Variants in SVIL observed in about 807,000 individuals in gnomAD.
The protein encoded by SVIL is supervillin, also known as archvillin.
Under a neutral mutation model 240.4 loss-of-function variants are expected in SVIL, and 101 were observed. That is an observed-to-expected ratio of 0.42 (90% CI 0.36 to 0.50). The LOEUF (loss-of-function observed/expected upper bound fraction) is 0.50. Ranked by LOEUF, SVIL falls within the 20% of genes least tolerant of loss-of-function variation. The probability of loss-of-function intolerance (pLI) is 0.01; values close to 1 mark genes in which losing one functional copy is unlikely to be tolerated. For synonymous variants in SVIL, 999 were observed against 1,100.0 expected (o/e 0.91, Z 1.82); for missense variants, 2,512 against 2,818.7 (o/e 0.89, Z 2.46).
intron 17 of SVIL, among the ~76,000 whole-genome samples, chr10:29,501,940 G>GGGTA (rs1948930548): frequency 1.3e-5 from 2 of 152,144 alleles, no homozygotes; most frequent in South Asian, 4.1e-4. Context: ...AACAGTCCAG[G>GGGTA]GTGGGGTAGT....
At chr10:29,511,995 G>A (rs956969117) in intron 17 of SVIL, among the ~76,000 whole-genome samples, 11 of 152,194 alleles carry the variant, frequency 7.2e-5, no homozygotes, top group African/African-American at 2.4e-4. Flanking sequence ...CCTAGAAAGT[G>A]ACCAGGGAGT....
intron 2 of SVIL, among the ~76,000 whole-genome samples, chr10:29,681,696 G>A (rs554809578): frequency 6.6e-6 from 1 of 152,186 alleles, no homozygotes; most frequent in South Asian, 2.1e-4. Context: ...CATTCCCTCT[G>A]GGCACCAGTT....
At chr10:29,603,589 G>A (rs1189682617) in intron 1 of SVIL, among the ~76,000 whole-genome samples, 2 of 152,088 alleles carry the variant, frequency 1.3e-5, no homozygotes, top group East Asian at 1.9e-4. Context: ...AGCATACTTG[G>A]TTTTCAAATT....
chr10:29,730,692 A>T (rs1176406540), intron 1 of SVIL, among the ~76,000 whole-genome samples: 1 of 152,244 alleles, frequency 6.6e-6, no homozygotes, highest in Non-Finnish European at 1.5e-5. Flanking sequence ...ACCGTGAATC[A>T]TCAGGGGATC....
intron 18 of SVIL, 87 bp from the exon 19 acceptor site, chr10:29,495,268 G>C (rs192758758): frequency 2.8e-6 from 2 of 724,732 alleles, no homozygotes; most frequent in African/African-American, 4.7e-5. Flanking sequence ...GAAATCCCAG[G>C]GTAGACGGCA....
intron 13 of SVIL, among the ~76,000 whole-genome samples, chr10:29,525,219 G>A (rs1303052585): frequency 6.6e-6 from 1 of 152,184 alleles, no homozygotes; most frequent in Non-Finnish European, 1.5e-5. Context: ...TTTTTAAAGA[G>A]TCACTGCTTC....
intron 1 of SVIL, among the ~76,000 whole-genome samples, chr10:29,579,009 G>T (rs1313942613): frequency 6.6e-6 from 1 of 152,190 alleles, no homozygotes; most frequent in Non-Finnish European, 1.5e-5. Flanking sequence ...GATTCGCTGG[G>T]GAAACTGGAA....
chr10:29,734,143 A>G (rs1964769320), intron 1 of SVIL, among the ~76,000 whole-genome samples: 1 of 152,234 alleles, frequency 6.6e-6, no homozygotes, highest in Admixed American at 6.5e-5. Flanking sequence ...AAACACTGCA[A>G]AAAGCAAAGG....
intron 34 of SVIL, 147 bp downstream of exon 34, chr10:29,465,448 T>G: frequency 1.0e-6 from 1 of 994,404 alleles, no homozygotes; most frequent in Non-Finnish European, 1.4e-6. Flanking sequence ...GGGGTGAGGA[T>G]GAAAAGAGTG....
chr10:29,733,407 C>T (rs559975189), intron 1 of SVIL, among the ~76,000 whole-genome samples: 18 of 152,242 alleles, frequency 1.2e-4, no homozygotes, highest in African/African-American at 4.3e-4. Context: ...TCACTGCAGG[C>T]TCGAACTCTT....
At chr10:29,509,356 A>AGAGAG (rs1564541204) in intron 17 of SVIL, among the ~76,000 whole-genome samples, 7 of 120,160 alleles carry the variant, frequency 5.8e-5, no homozygotes, top group Non-Finnish European at 9.3e-5. Flanking sequence ...AGAGAGAGAG[A>AGAGAG]GAGAGAGAGA....
Position 29,462,374 on chromosome 10 carries a change from T to C in SVIL, c.6305A>G (p.Lys2102Arg). 2 of 1,614,144 alleles carry C rather than the reference T, an allele frequency of 1.2e-6. No individual in the cohort carries two copies. Among genetic ancestry groups the C allele is most frequent in the Non-Finnish European group, 8.5e-7 (1 of 1,180,020 alleles). ...KGKNLKKPAP[K>R]SYLIHAGLEP... Reference sequence around the variant, plus strand: ...CAGACCAGCGTGGATAAGGTAAGACTTGGGGGCTGGTTTCTTGAGATTTTT... The same window carrying C: ...CAGACCAGCGTGGATAAGGTAAGACCTGGGGGCTGGTTTCTTGAGATTTTT... Residue 2102 changes from lysine (K) to arginine (R), a missense_variant, in exon 36 of 38, where the codon AAG becomes AGG. Physicochemically the swap from Lys to Arg is conservative, Grantham distance 26. Transcript: ENST00000355867.
At chr10:29,494,388 T>G (rs1485139279) in intron 20 of SVIL, among the ~76,000 whole-genome samples, 1 of 152,222 alleles carries the variant, frequency 6.6e-6, no homozygotes, top group Non-Finnish European at 1.5e-5. Context: ...CTGTCAATAG[T>G]AGGGACTCCC....
intron 1 of SVIL, among the ~76,000 whole-genome samples, chr10:29,620,074 G>T (rs1402237791): frequency 6.6e-6 from 1 of 152,002 alleles, no homozygotes; most frequent in Non-Finnish European, 1.5e-5. Context: ...AGTTTTTTTA[G>T]TATTAGCAAT....
intron 1 of SVIL, among the ~76,000 whole-genome samples, chr10:29,610,448 ATTTT>A (rs113668853): frequency 0.13 from 17,347 of 137,144 alleles, 1,145 homozygotes; most frequent in African/African-American, 0.18. Flanking sequence ...TTCACTCTGC[ATTTT>A]TTTTTTTTTT....
In SVIL at chr10:29,532,900, A is replaced by G; in HGVS notation, c.1467T>C (p.His489=). ...KPAVSTVTLE[H]QKELENVAQP... ...GTGCCACGTTTTCCAGTTCCTTCTG[A>G]TGCTCTAAGGTGACTGTGCTCACAG... The change falls in exon 8 of 38, where the codon CAT becomes CAC. Residue 489 remains histidine, a synonymous_variant. Transcript: ENST00000355867. 1 of 1,613,838 alleles carries G rather than the reference A, an allele frequency of 6.2e-7. No individual in the cohort carries two copies. Among genetic ancestry groups the G allele is most frequent in the Non-Finnish European group, 8.5e-7 (1 of 1,179,962 alleles).
chr10:29,506,087 A>G (rs887091908), intron 17 of SVIL, among the ~76,000 whole-genome samples: 2 of 152,080 alleles, frequency 1.3e-5, no homozygotes, highest in African/African-American at 4.8e-5. Context: ...TAACTGTTGT[A>G]TTGTTCTTTT....
upstream of SVIL, chr10:29,736,707 C>T (rs1187816962): frequency 6.6e-6 from 1 of 152,310 alleles, no homozygotes; most frequent in Admixed American, 6.5e-5. Context: ...CTGCAGAGCC[C>T]GACTGCGCCC....
chr10:29,466,060 TA>T (rs1219032284), intron 33 of SVIL, among the ~76,000 whole-genome samples: 1 of 151,976 alleles, frequency 6.6e-6, no homozygotes, highest in Non-Finnish European at 1.5e-5. Context: ...TGAAGGGACA[TA>T]CATAAGGAAA....
Sources: allele counts gnomAD v4.1 joint callset (sites outside exome capture counted in the v4.1 genomes callset), GRCh38; gene constraint gnomAD v4.1.1; transcripts MANE v1.5; gene names NCBI Gene and HGNC (gene_info 2026-07-23, HGNC 2026-07-21).